The following DLG2 variants were observed in gnomAD, a reference collection of about 807,000 sequenced individuals.
DLG2 encodes the protein disks large homolog 2.
In DLG2, 45 loss-of-function variants were observed where a neutral mutation model predicts 132.5. The ratio of observed to expected loss-of-function variants is 0.34; its 90% CI spans 0.27 to 0.44. The LOEUF (loss-of-function observed/expected upper bound fraction) is 0.44. Among genes scored for constraint, DLG2 ranks in the 20% least tolerant of loss-of-function variants. The probability of loss-of-function intolerance (pLI) is 1.00; values close to 1 mark genes in which losing one functional copy is unlikely to be tolerated. For synonymous variants in DLG2, 424 were observed against 419.6 expected (o/e 1.01, Z -0.13); for missense variants, 1,045 against 1,196.9 (o/e 0.87, Z 1.87).
At chr11:85,581,261 G>C (rs1420756527) in intron 3 of DLG2, among the ~76,000 whole-genome samples, 1 of 152,080 alleles carries the variant, frequency 6.6e-6, no homozygotes, top group Non-Finnish European at 1.5e-5. Context: ...ATCCCTGGTT[G>C]GCTCCCTTAA....
chr11:85,453,231 G>A, intron 3 of DLG2: 1 of 366,264 alleles, frequency 2.7e-6, no homozygotes, highest in Non-Finnish European at 4.8e-6. Context: ...ATTATTATCT[G>A]GTCCAGTGTT....
intron 3 of DLG2, among the ~76,000 whole-genome samples, chr11:85,589,095 G>GT (rs1474819371): frequency 1.3e-5 from 2 of 152,306 alleles, no homozygotes; most frequent in Admixed American, 1.3e-4. Flanking sequence ...AATAGACTCT[G>GT]TGAGAGTCCT....
intron 6 of DLG2, among the ~76,000 whole-genome samples, chr11:85,098,447 G>A (rs1246663274): frequency 1.3e-5 from 2 of 152,112 alleles, no homozygotes; most frequent in Non-Finnish European, 2.9e-5. Context: ...GTCATAAAAC[G>A]GCCATTCCGT....
chr11:83,605,109 C>T (rs1347885716), intron 19 of DLG2, among the ~76,000 whole-genome samples: 1 of 151,794 alleles, frequency 6.6e-6, no homozygotes, highest in African/African-American at 2.4e-5. Context: ...GAAGTTTCCT[C>T]TGATTTAACC....
At chr11:84,892,941 C>T (rs530392289) in intron 6 of DLG2, among the ~76,000 whole-genome samples, 2 of 152,120 alleles carry the variant, frequency 1.3e-5, no homozygotes, top group African/African-American at 4.8e-5. Flanking sequence ...TTCCACAGCC[C>T]CCCAAGAACC....
At chr11:83,541,959 T>C (rs1723540223) in intron 19 of DLG2, 101 bp from the exon 20 acceptor site, 1 of 1,099,438 alleles carries the variant, frequency 9.1e-7, no homozygotes, top group Non-Finnish European at 1.3e-6. Context: ...GAACCTATCA[T>C]CACTTGATAT....
At chr11:85,361,460 C>T (rs2084150832) in intron 3 of DLG2, among the ~76,000 whole-genome samples, 1 of 152,114 alleles carries the variant, frequency 6.6e-6, no homozygotes, top group South Asian at 2.1e-4. Context: ...ACCCTCACCC[C>T]CTCCCACCTT....
chr11:83,917,501 A>G (rs941306731), intron 15 of DLG2, among the ~76,000 whole-genome samples: 2 of 152,212 alleles, frequency 1.3e-5, no homozygotes, highest in East Asian at 3.9e-4. Context: ...GTTATAGTAC[A>G]TAATAGATGG....
chr11:84,311,236 G>A (rs1356296714), intron 7 of DLG2, among the ~76,000 whole-genome samples: 2 of 152,074 alleles, frequency 1.3e-5, no homozygotes, highest in Non-Finnish European at 2.9e-5. Flanking sequence ...TAATGAAAGA[G>A]CACAATATGA....
chr11:83,574,213 T>G (rs2096840909), intron 19 of DLG2, among the ~76,000 whole-genome samples: 1 of 152,114 alleles, frequency 6.6e-6, no homozygotes, highest in African/African-American at 2.4e-5. Context: ...AAAGTGAAGC[T>G]CAAATGACAG....
chr11:83,973,079 G>C (rs184776180), intron 12 of DLG2, among the ~76,000 whole-genome samples: 1 of 152,028 alleles, frequency 6.6e-6, no homozygotes, highest in African/African-American at 2.4e-5. Flanking sequence ...AATCCACTGG[G>C]TACAAGAGAA....
intron 2 of DLG2, among the ~76,000 whole-genome samples, chr11:85,622,340 T>A (rs1035794261): frequency 6.6e-6 from 1 of 152,138 alleles, no homozygotes; most frequent in Non-Finnish European, 1.5e-5. Flanking sequence ...CTTGCTTCAT[T>A]GTGATAATAG....
chr11:84,950,698 T>A (rs954190245), intron 6 of DLG2, among the ~76,000 whole-genome samples: 1 of 151,874 alleles, frequency 6.6e-6, no homozygotes, highest in Admixed American at 6.6e-5. Context: ...TTCCCTTGCA[T>A]ATAGTCATAA....
chr11:84,028,476 A>G (rs1006037727), intron 11 of DLG2, among the ~76,000 whole-genome samples: 2 of 140,558 alleles, frequency 1.4e-5, no homozygotes, highest in Non-Finnish European at 3.1e-5. Flanking sequence ...TGAACCATGA[A>G]ATAATTTTTT....
intron 6 of DLG2, among the ~76,000 whole-genome samples, chr11:84,669,899 T>C (rs888199045): frequency 2.6e-5 from 4 of 152,138 alleles, no homozygotes; most frequent in African/African-American, 7.2e-5. Context: ...AAGAGTAGCA[T>C]TGAACTGACA....
intron 18 of DLG2, among the ~76,000 whole-genome samples, chr11:83,745,856 A>G (rs2092870570): frequency 6.6e-6 from 1 of 152,150 alleles, no homozygotes; most frequent in Non-Finnish European, 1.5e-5. Context: ...AATATCCAGA[A>G]TCTACAAAGA....
At chr11:83,946,270 G>C (rs796977883) in intron 14 of DLG2, among the ~76,000 whole-genome samples, 2 of 152,246 alleles carry the variant, frequency 1.3e-5, no homozygotes, top group African/African-American at 2.4e-5. Flanking sequence ...TTACAGGCTT[G>C]AGCCACCACA....
chr11:83,511,087 G>GACACACACACACACACACACACAC (rs60156321), intron 21 of DLG2, among the ~76,000 whole-genome samples: 173 of 138,570 alleles, frequency 1.2e-3, no homozygotes, highest in Admixed American at 3.9e-3. Flanking sequence ...CACACACACA[G>GACACACACACACACACACACACAC]ACACACACAC....
chr11:83,929,274 T>G (rs2079661788), intron 15 of DLG2, among the ~76,000 whole-genome samples: 1 of 152,196 alleles, frequency 6.6e-6, no homozygotes, highest in Non-Finnish European at 1.5e-5. Context: ...TATATCCATC[T>G]TCACTCTGAA....
Sources: allele counts gnomAD v4.1 joint callset (sites outside exome capture counted in the v4.1 genomes callset), GRCh38; gene constraint gnomAD v4.1.1; transcripts MANE v1.5; gene names NCBI Gene and HGNC (gene_info 2026-07-23, HGNC 2026-07-21).